Variants in PARD3 observed in about 807,000 individuals in gnomAD.
The protein encoded by PARD3 is par-3 family cell polarity regulator.
In PARD3, 75 loss-of-function variants were observed where a neutral mutation model predicts 155.4. That is an observed-to-expected ratio of 0.48 (90% CI 0.40 to 0.58). The LOEUF (loss-of-function observed/expected upper bound fraction) is 0.58, where lower values mean the gene tolerates loss of function less well. Among genes scored for constraint, PARD3 ranks in the 20% least tolerant of loss-of-function variants. The probability of loss-of-function intolerance (pLI) is 0.00; values close to 1 mark genes in which losing one functional copy is unlikely to be tolerated. For synonymous variants in PARD3, 576 were observed against 610.5 expected, an observed-to-expected ratio of 0.94 and a Z score of 0.83; for missense variants, 1,642 against 1,721.7, an observed-to-expected ratio of 0.95 and a Z score of 0.82.
chr10:34,193,793 G>A (rs1950819181), intron 22 of PARD3, among the ~76,000 whole-genome samples: 1 of 152,094 alleles, frequency 6.6e-6, no homozygotes, highest in South Asian at 2.1e-4. Flanking sequence ...GAGGACCAGC[G>A]TGGGCCACCC....
At chr10:34,403,757 C>T (rs765148415) in intron 5 of PARD3, among the ~76,000 whole-genome samples, 36 of 152,138 alleles carry the variant, frequency 2.4e-4, no homozygotes, top group Non-Finnish European at 3.8e-4. Flanking sequence ...ACATCTTGAA[C>T]GTGCCTGAGA....
rs2079153505 is a variant in PARD3 at position 34,482,579 on chromosome 10, G to A, written c.404-12316C>T. Among the ~76,000 whole-genome samples, 2 of 152,148 alleles carry A rather than the reference G, an allele frequency of 1.3e-5. 1 individual carries two copies. Among genetic ancestry groups the A allele is most frequent in the South Asian group, 4.1e-4 (2 of 4,824 alleles). On this transcript the variant is annotated intron_variant, in intron 3 of 24. Coordinates refer to ENST00000374788, the MANE Select transcript of PARD3 (RefSeq NM_001184785.2). ...AGTAAATGTCCAACAGGGACAGTTA[G>A]AAGAGTACTAAATACCATGAGAAGC...
Position 34,112,046 on chromosome 10 carries a change from T to C in PARD3, c.3669-484A>G, listed in dbSNP as rs76898255. Reference sequence around the variant, plus strand: ...GAAGCGCTAGCTAATATGAAGTACATGTAATGGATTACAGTATGAGTTCGG... The same window carrying C: ...GAAGCGCTAGCTAATATGAAGTACACGTAATGGATTACAGTATGAGTTCGG... On this transcript the variant is annotated intron_variant, in intron 24 of 24. Transcript: ENST00000374788. 5.4e-3 allele frequency among the ~76,000 whole-genome samples: 819 copies of C among 152,336 alleles called. 7 individuals carry two copies. The highest frequency in any genetic ancestry group is 0.019 in the African/African-American group (783 of 41,572).
At chr10:34,405,250 T>C (rs780532000) in intron 5 of PARD3, among the ~76,000 whole-genome samples, 24 of 152,062 alleles carry the variant, frequency 1.6e-4, no homozygotes, top group Non-Finnish European at 2.4e-4. Flanking sequence ...AAGACAGAAA[T>C]AGATAACACA....
chr10:34,141,215 T>G, intron 22 of PARD3, among the ~76,000 whole-genome samples: 1 of 152,184 alleles, frequency 6.6e-6, no homozygotes, highest in Non-Finnish European at 1.5e-5. Context: ...CATGTGAAAT[T>G]AACTACTTAG....
intron 5 of PARD3, among the ~76,000 whole-genome samples, chr10:34,404,242 C>T (rs970168704): frequency 1.7e-4 from 26 of 152,142 alleles, no homozygotes; most frequent in Admixed American, 3.9e-4. Flanking sequence ...TGGTTTTATT[C>T]TGTTGTCTGG....
chr10:34,686,426 A>T (rs186904869), intron 2 of PARD3, among the ~76,000 whole-genome samples: 2 of 126,168 alleles, frequency 1.6e-5, no homozygotes, highest in Admixed American at 1.8e-4. Context: ...TGTATTAATA[A>T]GAACTCCCTT....
intron 2 of PARD3, among the ~76,000 whole-genome samples, chr10:34,627,868 T>G (rs1373555495): frequency 1.3e-5 from 2 of 152,126 alleles, no homozygotes; most frequent in East Asian, 3.8e-4. Flanking sequence ...GTGGGAAGAT[T>G]ACTGATTCCA....
intron 20 of PARD3, among the ~76,000 whole-genome samples, chr10:34,306,885 CA>C (rs1396593582): frequency 2.0e-5 from 3 of 151,806 alleles, no homozygotes; most frequent in Non-Finnish European, 4.4e-5. Flanking sequence ...CCGCTGATTC[CA>C]AAAGTATTTT....
chr10:34,192,395 G>GCC (rs2133272686), intron 22 of PARD3, among the ~76,000 whole-genome samples: 1 of 152,262 alleles, frequency 6.6e-6, no homozygotes, highest in East Asian at 1.9e-4. Flanking sequence ...ACCGTCCCCA[G>GCC]CCCTGCTTGT....
At chr10:34,297,132 G>A (rs1385459956) in intron 20 of PARD3, among the ~76,000 whole-genome samples, 4 of 152,058 alleles carry the variant, frequency 2.6e-5, no homozygotes, top group Non-Finnish European at 5.9e-5. Context: ...GTGAGACCAC[G>A]TCTCTAGAAA....
intron 7 of PARD3, among the ~76,000 whole-genome samples, chr10:34,389,200 CAT>C (rs145830139): frequency 0.23 from 29,652 of 130,014 alleles, 5,782 homozygotes; most frequent in African/African-American, 0.55. Context: ...ATGTTACATG[CAT>C]ATTTCTTTCA....
Position 34,317,324 on chromosome 10 carries a change from CTG to C in PARD3, c.2846_2847del (p.Thr949ArgfsTer16). 1 of 1,601,580 alleles carries C rather than the reference CTG, an allele frequency of 6.2e-7. No homozygotes were observed. The highest frequency in any genetic ancestry group is 8.5e-7 in the Non-Finnish European group (1 of 1,176,120). On this transcript the variant is annotated frameshift_variant, in exon 20 of 25. Coordinates refer to ENST00000374788, the MANE Select transcript of PARD3 (RefSeq NM_001184785.2). LOFTEE classifies it high-confidence loss of function. ...TCTCTCCCTGATCTTGAACTTTCTT[CTG>C]TGTCTTCTTCCACTTGGAAGGAAAG... is the stretch of plus-strand genomic sequence containing the variant. ...DEGMETLEEDTEESSRSGRES... is the reference protein window; with the variant it reads ...DEGMETLEEDXEESSRSGRES...
At chr10:34,518,026 A>C (rs1413663654) in intron 2 of PARD3, among the ~76,000 whole-genome samples, 1 of 151,968 alleles carries the variant, frequency 6.6e-6, no homozygotes, top group East Asian at 1.9e-4. Flanking sequence ...TTACAGGCGT[A>C]TGCCACCACA....
chr10:34,483,499 AG>A (rs1192813753), intron 3 of PARD3, among the ~76,000 whole-genome samples: 5 of 130,326 alleles, frequency 3.8e-5, no homozygotes, highest in African/African-American at 2.0e-4. Context: ...AAAAAAAAAA[AG>A]AGAGAGAAAA....
rs1203814606 is a variant in PARD3 at position 34,756,206 on chromosome 10, T to G, written c.120+58670A>C. Among the ~76,000 whole-genome samples the G allele has an allele frequency of 3.0e-5, 4 of 132,368 alleles. No individual in the cohort carries two copies. In the East Asian group the frequency reaches 9.2e-4, roughly 31 times the overall value. The allele number at this position is 132,368 out of a possible 152,430, so 86.8% of individuals were successfully genotyped here. Reference sequence around the variant, plus strand: ...TCTTACTCTGCTGCCCAGACTGGAGTGCAGTGGCACGATCTCAGCTCACTG... The same window carrying G: ...TCTTACTCTGCTGCCCAGACTGGAGGGCAGTGGCACGATCTCAGCTCACTG... On this transcript the variant is annotated intron_variant, in intron 1 of 24. Coordinates refer to ENST00000374788, the MANE Select transcript of PARD3 (RefSeq NM_001184785.2).
chr10:34,719,756 C>G (rs1000275028), intron 1 of PARD3, among the ~76,000 whole-genome samples: 7 of 152,196 alleles, frequency 4.6e-5, no homozygotes, highest in African/African-American at 1.7e-4. Flanking sequence ...AAGTTCAAGA[C>G]TTTCAACTTT....
At position 34,691,224 on chromosome 10, in the gene PARD3, T is replaced by C. The variant is rs561642393; in HGVS notation, c.222+5094A>G. On this transcript the variant is annotated intron_variant, in intron 2 of 24. Coordinates refer to ENST00000374788, the MANE Select transcript of PARD3 (RefSeq NM_001184785.2). ...GTCTCTGCCCAAAAGCTCCTTGATC[T>C]GATAAACAACTTCAGCAAAGTTTCA... is the stretch of plus-strand genomic sequence containing the variant. Among the ~76,000 whole-genome samples the C allele has an allele frequency of 1.8e-4, 27 of 152,298 alleles. 1 individual carries two copies. Among genetic ancestry groups the C allele is most frequent in the African/African-American group, 5.8e-4 (24 of 41,562 alleles).
At chr10:34,154,498 T>C (rs71495069) in intron 22 of PARD3, among the ~76,000 whole-genome samples, 4,177 of 152,250 alleles carry the variant, frequency 0.027, 79 homozygotes, top group Non-Finnish European at 0.04. Context: ...AAACACCTTA[T>C]CTTTAAGATA....
Sources: gnomAD v4.1 joint callset for allele counts (sites outside exome capture counted in the v4.1 genomes callset) on GRCh38, gnomAD v4.1.1 for gene constraint, MANE v1.5 for transcripts, NCBI Gene and HGNC (gene_info 2026-07-23, HGNC 2026-07-21) for gene names.